Variants in CALN1 observed in about 807,000 individuals in gnomAD.
CALN1 encodes the protein calneuron 1.
Under a neutral mutation model 30.6 loss-of-function variants are expected in CALN1, and 17 were observed. The ratio of observed to expected loss-of-function variants is 0.56; its 90% confidence interval spans 0.38 to 0.83. The LOEUF (loss-of-function observed/expected upper bound fraction) is 0.83, where lower values mean the gene tolerates loss of function less well. Among genes scored for constraint, CALN1 ranks in the 40% least tolerant of loss-of-function variants. CALN1 has a pLI of 0.00. For missense variants in CALN1, 291 were observed against 354.9 expected, an observed-to-expected ratio of 0.82 and a Z score of 1.45; for synonymous variants, 156 against 131.4, an observed-to-expected ratio of 1.19 and a Z score of -1.28.
intron 1 of CALN1, among the ~76,000 whole-genome samples, chr7:72,404,895 G>A (rs1162786283): frequency 6.6e-6 from 1 of 152,206 alleles, no homozygotes; most frequent in Non-Finnish European, 1.5e-5. Context: ...AAGAGGCTCA[G>A]CCCAAAGCCC....
chr7:72,250,658 C>A (rs1360319963), intron 3 of CALN1, among the ~76,000 whole-genome samples: 1 of 151,988 alleles, frequency 6.6e-6, no homozygotes, highest in Non-Finnish European at 1.5e-5. Context: ...TGAGTGAGTT[C>A]TTGCTCTATT....
intron 5 of CALN1, among the ~76,000 whole-genome samples, chr7:71,852,690 C>T (rs1477126596): frequency 6.6e-6 from 1 of 152,190 alleles, no homozygotes. Flanking sequence ...GTCTGAGAAT[C>T]TCATTTACTC....
chr7:72,076,292 A>C (rs898601985), intron 4 of CALN1, among the ~76,000 whole-genome samples: 3 of 151,754 alleles, frequency 2.0e-5, no homozygotes, highest in African/African-American at 7.3e-5. Flanking sequence ...GAACTTAAAA[A>C]ATTAAAAATT....
At chr7:72,477,719 G>C in the CALN1 span, among the ~76,000 whole-genome samples, 5 of 152,046 alleles carry the variant, frequency 3.3e-5, no homozygotes, top group African/African-American at 4.8e-5. Flanking sequence ...ACCATGCCTG[G>C]ATAATTTTTT....
chr7:71,810,890 A>G (rs962204204), intron 5 of CALN1, among the ~76,000 whole-genome samples: 8 of 145,980 alleles, frequency 5.5e-5, no homozygotes, highest in Non-Finnish European at 1.2e-4. Context: ...TGGTTTAAGC[A>G]TGTATCTTTT....
intron 4 of CALN1, among the ~76,000 whole-genome samples, chr7:72,100,191 C>T (rs1162193586): frequency 2.0e-5 from 3 of 151,038 alleles, no homozygotes; most frequent in African/African-American, 7.3e-5. Flanking sequence ...AAGGGTCTAG[C>T]TCTGTTACCC....
chr7:72,417,241 C>A (rs78999968), upstream of CALN1, among the ~76,000 whole-genome samples: 439 of 152,336 alleles, frequency 2.9e-3, 2 homozygotes, highest in African/African-American at 0.01. Context: ...ATGGGATTGG[C>A]AGAGACCTTG....
At chr7:72,192,804 T>TC (rs1287693727) in intron 3 of CALN1, among the ~76,000 whole-genome samples, 1 of 49,706 alleles carries the variant, frequency 2.0e-5, no homozygotes. Context: ...CCCTCCCCCC[T>TC]CCCCCCACCC....
At chr7:72,405,201 A>T (rs917711110) in intron 1 of CALN1, among the ~76,000 whole-genome samples, 2 of 152,176 alleles carry the variant, frequency 1.3e-5, no homozygotes, top group South Asian at 4.1e-4. Context: ...AAAGAGAGTA[A>T]GTGTCTCAAA....
intron 6 of CALN1, among the ~76,000 whole-genome samples, chr7:71,798,180 T>A (rs1787078471): frequency 7.2e-6 from 1 of 138,194 alleles, no homozygotes; most frequent in South Asian, 2.4e-4. Context: ...AGAGAGATGT[T>A]GCTTGAGCTC....
intron 2 of CALN1, among the ~76,000 whole-genome samples, chr7:72,299,234 A>G (rs1463414364): frequency 6.6e-6 from 1 of 152,154 alleles, no homozygotes; most frequent in African/African-American, 2.4e-5. Context: ...AAACCCTTAC[A>G]TGCCCTCCCC....
intron 5 of CALN1, among the ~76,000 whole-genome samples, chr7:71,857,992 A>G (rs961403322): frequency 6.6e-6 from 1 of 152,212 alleles, no homozygotes; most frequent in African/African-American, 2.4e-5. Context: ...AAAATGTCAC[A>G]AAAGATGTGC....
intron 1 of CALN1, among the ~76,000 whole-genome samples, chr7:72,421,843 C>A (rs375966399): frequency 1.1e-4 from 16 of 152,118 alleles, no homozygotes; most frequent in African/African-American, 3.6e-4. Context: ...CAGCCTCAGT[C>A]TCCCAATATC....
rs145980162 is a variant in CALN1 at position 72,012,321 on chromosome 7, T to G, written c.501+11336A>C. 9.9e-3 allele frequency among the ~76,000 whole-genome samples: 1,515 copies of G among 152,276 alleles called. 18 individuals carry two copies. The highest frequency in any genetic ancestry group is 0.035 in the African/African-American group (1,469 of 41,552). Reference sequence around the variant, plus strand: ...TCATGAGGTCCTCTTGAGACCATCCTGGCCAACATGGTGAAATCCCATTTC... The same window carrying G: ...TCATGAGGTCCTCTTGAGACCATCCGGGCCAACATGGTGAAATCCCATTTC... On this transcript the variant is annotated intron_variant, in intron 5 of 6. Transcript: ENST00000395275.
intron 4 of CALN1, among the ~76,000 whole-genome samples, chr7:72,091,337 A>G (rs567121375): frequency 2.0e-5 from 3 of 152,292 alleles, no homozygotes; most frequent in African/African-American, 7.2e-5. Context: ...TCTCAAACAG[A>G]CAAACAAACA....
chr7:71,852,988 C>T (rs570728561), intron 5 of CALN1, among the ~76,000 whole-genome samples: 2 of 152,168 alleles, frequency 1.3e-5, no homozygotes, highest in South Asian at 4.1e-4. Context: ...CAGATAGATA[C>T]GTTGAAAATA....
intron 5 of CALN1, among the ~76,000 whole-genome samples, chr7:71,961,854 C>A (rs1211802788): frequency 6.6e-6 from 1 of 152,146 alleles, no homozygotes; most frequent in Admixed American, 6.5e-5. Context: ...GTAGCTATGT[C>A]TCTTCACAAG....
intron 2 of CALN1, among the ~76,000 whole-genome samples, chr7:72,386,876 G>C (rs529922898): frequency 1.3e-5 from 2 of 151,948 alleles, no homozygotes; most frequent in South Asian, 2.1e-4. Context: ...GTTCAGTATA[G>C]ATACAGATGG....
intron 2 of CALN1, among the ~76,000 whole-genome samples, chr7:72,383,907 G>A (rs547637838): frequency 6.6e-6 from 1 of 152,266 alleles, no homozygotes; most frequent in South Asian, 2.1e-4. Context: ...ATGCAGGTTT[G>A]TTACATAGGG....
Sources: allele counts gnomAD v4.1 joint callset (sites outside exome capture counted in the v4.1 genomes callset), GRCh38; gene constraint gnomAD v4.1.1; transcripts MANE v1.5; gene names NCBI Gene and HGNC (gene_info 2026-07-23, HGNC 2026-07-21).